The following FBXW7 variants were observed in gnomAD, a reference collection of about 807,000 sequenced individuals.
The protein encoded by FBXW7 is F-box and WD repeat domain containing 7.
Under a neutral mutation model 86.3 loss-of-function variants are expected in FBXW7, and 11 were observed. The ratio of observed to expected loss-of-function variants is 0.13; its 90% CI spans 0.08 to 0.21. FBXW7 has a LOEUF of 0.21. FBXW7 is among the 10% of genes least tolerant of loss of function. The pLI is 1.00. For missense variants in FBXW7, 488 were observed against 847.4 expected, an observed-to-expected ratio of 0.58 and a Z score of 5.27; for synonymous variants, 313 against 297.9, an observed-to-expected ratio of 1.05 and a Z score of -0.52.
chr4:152,474,651 A>T (rs1744238253), intron 2 of FBXW7, among the ~76,000 whole-genome samples: 1 of 152,156 alleles, frequency 6.6e-6, no homozygotes, highest in Non-Finnish European at 1.5e-5. Flanking sequence ...TATCTTTCAA[A>T]GGTCTTTTTA....
chr4:152,494,365 G>C (rs1174990147), intron 2 of FBXW7, among the ~76,000 whole-genome samples: 1 of 152,198 alleles, frequency 6.6e-6, no homozygotes. Flanking sequence ...GAGGAGAACA[G>C]ATGATTGAAA....
intron 2 of FBXW7, among the ~76,000 whole-genome samples, chr4:152,442,683 A>G (rs1439283181): frequency 1.3e-5 from 2 of 152,224 alleles, no homozygotes; most frequent in Non-Finnish European, 2.9e-5. Context: ...ATAATGACTC[A>G]TTATATACTT....
chr4:152,355,687 G>A (rs997224904), intron 4 of FBXW7, among the ~76,000 whole-genome samples: 16 of 152,066 alleles, frequency 1.1e-4, no homozygotes, highest in African/African-American at 3.9e-4. Flanking sequence ...CCAACAATAA[G>A]GTCCTGGAAT....
chr4:152,439,528 A>G (rs1391449143), intron 2 of FBXW7, among the ~76,000 whole-genome samples: 1 of 152,152 alleles, frequency 6.6e-6, no homozygotes, highest in African/African-American at 2.4e-5. Context: ...GGTTTTCTTC[A>G]GAGACAACTA....
chr4:152,486,485 A>T (rs57897842), intron 2 of FBXW7, among the ~76,000 whole-genome samples: 2,439 of 152,194 alleles, frequency 0.016, 76 homozygotes, highest in African/African-American at 0.056. Flanking sequence ...TTTTACTTTT[A>T]AAACTGTTTT....
At chr4:152,414,732 G>T (rs932733475) in intron 2 of FBXW7, among the ~76,000 whole-genome samples, 1 of 152,040 alleles carries the variant, frequency 6.6e-6, no homozygotes. Flanking sequence ...TTCTGGCAGT[G>T]TCTTTCAAGG....
At chr4:152,500,477 G>A (rs1459439073) in intron 2 of FBXW7, among the ~76,000 whole-genome samples, 1 of 131,736 alleles carries the variant, frequency 7.6e-6, no homozygotes, top group African/African-American at 3.1e-5. Context: ...TATTCCTGAA[G>A]GTTTTGCTGC....
At chr4:152,397,774 A>G (rs943149985) in intron 4 of FBXW7, among the ~76,000 whole-genome samples, 5 of 150,180 alleles carry the variant, frequency 3.3e-5, no homozygotes, top group Non-Finnish European at 7.4e-5. Flanking sequence ...CACGATGATT[A>G]GGTGGTTATA....
chr4:152,335,937 G>A (rs1237390979), intron 7 of FBXW7, among the ~76,000 whole-genome samples: 1 of 152,152 alleles, frequency 6.6e-6, no homozygotes, highest in Admixed American at 6.5e-5. Flanking sequence ...CTTCTGTCAA[G>A]CTTTTTGAGA....
intron 2 of FBXW7, among the ~76,000 whole-genome samples, chr4:152,430,757 G>T (rs944208580): frequency 6.6e-6 from 1 of 152,072 alleles, no homozygotes; most frequent in Non-Finnish European, 1.5e-5. Flanking sequence ...TTCTATTTTA[G>T]TTATGTAACT....
At chr4:152,385,416 A>C (rs563288882) in intron 4 of FBXW7, among the ~76,000 whole-genome samples, 1 of 152,140 alleles carries the variant, frequency 6.6e-6, no homozygotes, top group African/African-American at 2.4e-5. Flanking sequence ...AAGAACTCTA[A>C]AGTCACATGT....
At chr4:152,345,240 AG>A (rs1258346383) in intron 6 of FBXW7, among the ~76,000 whole-genome samples, 1 of 152,182 alleles carries the variant, frequency 6.6e-6, no homozygotes, top group Non-Finnish European at 1.5e-5. Flanking sequence ...GGGTGTGCAT[AG>A]GAAAAAATAA....
intron 2 of FBXW7, among the ~76,000 whole-genome samples, chr4:152,492,619 T>C (rs975912793): frequency 1.3e-5 from 2 of 152,220 alleles, no homozygotes; most frequent in African/African-American, 4.8e-5. Context: ...CCCTAATAAC[T>C]AATGTTTTTA....
chr4:152,506,620 T>C (rs1037628200), intron 2 of FBXW7, among the ~76,000 whole-genome samples: 1 of 152,254 alleles, frequency 6.6e-6, no homozygotes, highest in Non-Finnish European at 1.5e-5. Flanking sequence ...CTCTAAGAGT[T>C]AGGTAAACAG....
intron 4 of FBXW7, among the ~76,000 whole-genome samples, chr4:152,384,729 A>G (rs2676344): frequency 0.53 from 81,214 of 151,816 alleles, 24,773 homozygotes; most frequent in Non-Finnish European, 0.7. Flanking sequence ...ACAAAAAAGT[A>G]AATGATTGAA....
intron 2 of FBXW7, among the ~76,000 whole-genome samples, chr4:152,515,440 T>A (rs981167067): frequency 4.6e-5 from 7 of 152,032 alleles, no homozygotes; most frequent in Admixed American, 4.6e-4. Context: ...CAACTTAAAA[T>A]GGGGGGAAAA....
chr4:152,436,816 G>A (rs537458456), intron 2 of FBXW7, among the ~76,000 whole-genome samples: 1 of 152,172 alleles, frequency 6.6e-6, no homozygotes, highest in Non-Finnish European at 1.5e-5. Flanking sequence ...TCCATTTATT[G>A]CAAGACTTTA....
At chr4:152,345,358 T>C (rs780342212) in intron 6 of FBXW7, among the ~76,000 whole-genome samples, 26 of 152,260 alleles carry the variant, frequency 1.7e-4, no homozygotes, top group Admixed American at 5.2e-4. Context: ...AACAAATGAC[T>C]ATGAAAATGA....
At chr4:152,420,705 T>A (rs1025862101) in intron 2 of FBXW7, among the ~76,000 whole-genome samples, 1 of 152,206 alleles carries the variant, frequency 6.6e-6, no homozygotes. Flanking sequence ...AGGTGCATTG[T>A]CAGTGAGCAG....
Sources: allele counts gnomAD v4.1 joint callset (sites outside exome capture counted in the v4.1 genomes callset), GRCh38; gene constraint gnomAD v4.1.1; transcripts MANE v1.5; gene names NCBI Gene and HGNC (gene_info 2026-07-23, HGNC 2026-07-21).